Variants in GNG7 observed in about 807,000 individuals in gnomAD.
The protein encoded by GNG7 is guanine nucleotide-binding protein G(I)/G(S)/G(O) subunit gamma-7.
GNG7 carries 1 observed loss-of-function variant against 4.0 expected under a neutral mutation model. The ratio of observed to expected loss-of-function variants is 0.25; its 90% CI spans 0.09 to 1.18. The LOEUF (loss-of-function observed/expected upper bound fraction) is 1.18, where lower values mean the gene tolerates loss of function less well. Among genes scored for constraint, GNG7 ranks in the 50% most tolerant of loss-of-function variants. The pLI is 0.50. For missense variants in GNG7, 86 were observed against 91.9 expected (o/e 0.94, Z 0.26); for synonymous variants, 34 against 36.9 (o/e 0.92, Z 0.29).
intron 1 of GNG7, among the ~76,000 whole-genome samples, chr19:2,669,945 G>A (rs1333889681): frequency 1.3e-5 from 2 of 151,568 alleles, no homozygotes; most frequent in East Asian, 3.9e-4. Flanking sequence ...GGGAGGTAGA[G>A]GTTGCAGTGA....
At chr19:2,702,441 C>G (rs1329138598) in intron 1 of GNG7, among the ~76,000 whole-genome samples, 2 of 148,592 alleles carry the variant, frequency 1.3e-5, no homozygotes, top group Non-Finnish European at 3.0e-5. Flanking sequence ...CCCTCCCCAG[C>G]TAACTTCGAC....
chr19:2,552,307 C>T (rs1979357275), intron 3 of GNG7, among the ~76,000 whole-genome samples: 1 of 151,914 alleles, frequency 6.6e-6, no homozygotes, highest in Non-Finnish European at 1.5e-5. Flanking sequence ...TGTCTCAAAA[C>T]AAGCAAACAG....
In GNG7 at chr19:2,571,588, CTTTTTT is replaced by C. The variant is rs779497111; in HGVS notation, c.-77-16406_-77-16401del. 1.0e-3 allele frequency among the ~76,000 whole-genome samples: 71 copies of C among 68,018 alleles called. 1 individual carries two copies. Among genetic ancestry groups the C allele is most frequent in the African/African-American group, 4.4e-3 (68 of 15,412 alleles). The allele number at this position is 68,018 out of a possible 152,430, so 44.6% of individuals were successfully genotyped here. On this transcript the variant is annotated intron_variant, in intron 2 of 4. Transcript: ENST00000382159. ...GGTCACTTTTCTTTTCATTTCTTTC[CTTTTTT>C]TTTTTTTTTTTTTTTTTTTGAGATG...
chr19:2,554,812 C>T (rs1979496549), intron 3 of GNG7, among the ~76,000 whole-genome samples: 1 of 152,124 alleles, frequency 6.6e-6, no homozygotes, highest in South Asian at 2.1e-4. Context: ...GCCTCAGCCT[C>T]CCAAAGTGCT....
chr19:2,613,936 G>A (rs57336137), intron 2 of GNG7, among the ~76,000 whole-genome samples: 9,046 of 152,188 alleles, frequency 0.059, 367 homozygotes, highest in Admixed American at 0.12. Flanking sequence ...AGAAAGGTGC[G>A]AATCAGACAG....
intron 3 of GNG7, among the ~76,000 whole-genome samples, chr19:2,536,139 C>G (rs149605153): frequency 6.6e-6 from 1 of 151,856 alleles, no homozygotes; most frequent in Admixed American, 6.6e-5. Flanking sequence ...AAAAGAAGGC[C>G]GGGCGCGGTG....
Position 2,657,360 on chromosome 19 carries a change from AAATATATATATATATATATATAT to A in GNG7, c.-134-11103_-134-11081del, listed in dbSNP as rs1411619376. 3.2e-3 allele frequency among the ~76,000 whole-genome samples: 66 copies of A among 20,542 alleles called. 4 individuals carry two copies. Among genetic ancestry groups the A allele is most frequent in the African/African-American group, 8.4e-3 (60 of 7,124 alleles). The allele number at this position is 20,542 out of a possible 152,430, so 13.5% of individuals were successfully genotyped here. A position where few individuals can be genotyped will look rare whatever the true frequency, so the allele number is the denominator to read the frequency against. ...ATTAAAAAAAAAAAAAAAAAAAAAA[AAATATATATATATATATATATAT>A]ATATATATATATATATACACATAAT... On this transcript the variant is annotated intron_variant, in intron 1 of 4. Transcript: ENST00000382159.
intron 3 of GNG7, among the ~76,000 whole-genome samples, chr19:2,549,961 A>G (rs1359116252): frequency 6.6e-6 from 1 of 152,208 alleles, no homozygotes; most frequent in Admixed American, 6.5e-5. Context: ...TTGTCTATCC[A>G]AATTCCATTA....
At chr19:2,663,479 C>G (rs1983230344) in intron 1 of GNG7, among the ~76,000 whole-genome samples, 1 of 152,056 alleles carries the variant, frequency 6.6e-6, no homozygotes, top group African/African-American at 2.4e-5. Context: ...GTCCCTAGAA[C>G]CGTTAAGAAA....
At chr19:2,644,377 AT>A (rs1982607828) in intron 2 of GNG7, among the ~76,000 whole-genome samples, 1 of 128,142 alleles carries the variant, frequency 7.8e-6, no homozygotes, top group Non-Finnish European at 1.6e-5. Context: ...ATATATATAT[AT>A]ATAATGCTCT....
chr19:2,603,459 G>C (rs901606398), intron 2 of GNG7, among the ~76,000 whole-genome samples: 1 of 152,208 alleles, frequency 6.6e-6, no homozygotes, highest in Non-Finnish European at 1.5e-5. Context: ...GGGTGGGACC[G>C]GCATCCGGTG....
At chr19:2,518,567 C>G (rs1473740978) in intron 4 of GNG7, among the ~76,000 whole-genome samples, 7 of 152,110 alleles carry the variant, frequency 4.6e-5, no homozygotes. Flanking sequence ...ACCGGCCGAT[C>G]AGAACCACCT....
At chr19:2,548,378 G>A (rs995039536) in intron 3 of GNG7, among the ~76,000 whole-genome samples, 1 of 151,410 alleles carries the variant, frequency 6.6e-6, no homozygotes, top group African/African-American at 2.4e-5. Context: ...CTACTCGGGA[G>A]GCTAAGGCAG....
intron 1 of GNG7, among the ~76,000 whole-genome samples, chr19:2,649,220 G>C (rs9630890): frequency 1.3e-5 from 2 of 151,818 alleles, no homozygotes; most frequent in African/African-American, 4.8e-5. Flanking sequence ...GATTACAGGT[G>C]TAGCCATTTC....
rs1349813863 is a variant in GNG7 at position 2,618,447 on chromosome 19, C to T, written c.-78+27777G>A. ...CACTGCAACCTGCACCTCCCCTGTT[C>T]AAGCGATTCTCCTGCCTCAGCCTCC... On this transcript the variant is annotated intron_variant, in intron 2 of 4. Transcript: ENST00000382159. This position sits in a 1 kb window ranked among gnomAD's most constrained non-coding sequence, Gnocchi z 5.1. Among the ~76,000 whole-genome samples, 1 of 151,924 alleles carries T rather than the reference C, an allele frequency of 6.6e-6. No homozygotes were observed. Among genetic ancestry groups the T allele is most frequent in the Non-Finnish European group, 1.5e-5 (1 of 67,992 alleles).
chr19:2,539,069 C>A (rs1267551318), intron 3 of GNG7, among the ~76,000 whole-genome samples: 2 of 152,046 alleles, frequency 1.3e-5, no homozygotes, highest in African/African-American at 4.8e-5. Context: ...CGGCACCCAG[C>A]CCTAGATTGT....
At chr19:2,566,297 G>A (rs1979906710) in intron 2 of GNG7, among the ~76,000 whole-genome samples, 1 of 152,190 alleles carries the variant, frequency 6.6e-6, no homozygotes, top group Non-Finnish European at 1.5e-5. Flanking sequence ...CACAAGCCAG[G>A]GAAGGCCAAG....
At chr19:2,673,418 C>T (rs537692377) in intron 1 of GNG7, among the ~76,000 whole-genome samples, 4 of 149,714 alleles carry the variant, frequency 2.7e-5, no homozygotes, top group African/African-American at 7.4e-5. Flanking sequence ...AAAGACCGGG[C>T]GCCGTGGCTC....
At chr19:2,661,270 A>AAAAG (rs796432059) in intron 1 of GNG7, among the ~76,000 whole-genome samples, 4 of 70,916 alleles carry the variant, frequency 5.6e-5, no homozygotes, top group Admixed American at 4.8e-4. Flanking sequence ...AGAAAGAAAG[A>AAAAG]AAAGAAAGAA....
Sources: gnomAD v4.1 joint callset for allele counts (sites outside exome capture counted in the v4.1 genomes callset) on GRCh38, gnomAD v4.1.1 for gene constraint, Gnocchi (gnomAD v3.1) non-coding constraint, MANE v1.5 for transcripts, NCBI Gene and HGNC (gene_info 2026-07-23, HGNC 2026-07-21) for gene names.